FMNL2: variants seen among roughly 807,000 people sequenced by gnomAD.
The protein encoded by FMNL2 is formin-like protein 2.
A neutral mutation model predicts 130.2 loss-of-function variants in FMNL2; 51 were observed. That is an observed-to-expected ratio of 0.39 (90% CI 0.31 to 0.49). The LOEUF is 0.49. FMNL2 is among the 20% of genes least tolerant of loss of function. The pLI is 0.85. For missense variants in FMNL2, 977 were observed against 1,316.2 expected, an observed-to-expected ratio of 0.74 and a Z score of 3.99; for synonymous variants, 465 against 467.1, an observed-to-expected ratio of 1.00 and a Z score of 0.06.
At chr2:152,581,844 G>T (rs1696803995) in intron 9 of FMNL2, among the ~76,000 whole-genome samples, 1 of 152,210 alleles carries the variant, frequency 6.6e-6, no homozygotes, top group Non-Finnish European at 1.5e-5. Context: ...TCGCCAAGTT[G>T]TGTGTTATGC....
At chr2:152,382,815 G>A (rs1684554052) in intron 1 of FMNL2, among the ~76,000 whole-genome samples, 2 of 152,212 alleles carry the variant, frequency 1.3e-5, no homozygotes, top group South Asian at 4.2e-4. Context: ...AAAAATAGAA[G>A]TGTGTCCATA....
intron 25 of FMNL2, 143 bp from the exon 26 acceptor site, chr2:152,647,653 T>G (rs1037716491): frequency 1.4e-6 from 1 of 738,434 alleles, no homozygotes. Context: ...ATGTCTTTGA[T>G]TCAATGCTCA....
intron 4 of FMNL2, among the ~76,000 whole-genome samples, chr2:152,558,304 T>G (rs893721914): frequency 7.2e-5 from 11 of 152,264 alleles, no homozygotes; most frequent in African/African-American, 2.4e-4. Flanking sequence ...GCCAAGGACT[T>G]GAACTTGGAT....
intron 4 of FMNL2, among the ~76,000 whole-genome samples, chr2:152,556,522 A>T (rs959933909): frequency 1.3e-5 from 2 of 152,222 alleles, no homozygotes; most frequent in Non-Finnish European, 2.9e-5. Flanking sequence ...AAGAGGAGCC[A>T]ATGAGTATTC....
intron 1 of FMNL2, among the ~76,000 whole-genome samples, chr2:152,354,695 T>A (rs2105788809): frequency 6.6e-6 from 1 of 152,296 alleles, no homozygotes; most frequent in East Asian, 1.9e-4. Context: ...TGAGGAAAAT[T>A]GCTCATTTTT....
chr2:152,619,746 A>G, intron 15 of FMNL2, 28 bp downstream of exon 15: 1 of 1,594,652 alleles, frequency 6.3e-7, no homozygotes, highest in Non-Finnish European at 8.5e-7. Context: ...AAACCCAGGT[A>G]CTCATATCAG....
intron 9 of FMNL2, among the ~76,000 whole-genome samples, chr2:152,599,542 C>T (rs1262472148): frequency 6.9e-6 from 1 of 145,530 alleles, no homozygotes; most frequent in Non-Finnish European, 1.5e-5. Flanking sequence ...GTTCTTTATT[C>T]AGTACAGCAA....
chr2:152,418,195 CAT>C (rs1022063678), intron 1 of FMNL2, among the ~76,000 whole-genome samples: 42 of 152,284 alleles, frequency 2.8e-4, no homozygotes, highest in African/African-American at 9.4e-4. Flanking sequence ...AGAATTGAAA[CAT>C]AGAAAAATTA....
intron 1 of FMNL2, among the ~76,000 whole-genome samples, chr2:152,515,634 A>G (rs1692726694): frequency 6.6e-6 from 1 of 152,178 alleles, no homozygotes; most frequent in African/African-American, 2.4e-5. Context: ...GGATGATCAT[A>G]CAGACCTCTA....
intron 1 of FMNL2, among the ~76,000 whole-genome samples, chr2:152,370,528 T>C (rs1683816960): frequency 6.6e-6 from 1 of 152,178 alleles, no homozygotes; most frequent in South Asian, 2.1e-4. Flanking sequence ...ATTGAGTTGA[T>C]TGGAAGTAGA....
intron 1 of FMNL2, among the ~76,000 whole-genome samples, chr2:152,515,040 G>T (rs1692686453): frequency 6.6e-6 from 1 of 152,126 alleles, no homozygotes; most frequent in African/African-American, 2.4e-5. Flanking sequence ...ACTTAGCTGA[G>T]ATGACACTCT....
At chr2:152,482,205 A>G (rs1192783191) in intron 1 of FMNL2, among the ~76,000 whole-genome samples, 1 of 152,242 alleles carries the variant, frequency 6.6e-6, no homozygotes, top group Non-Finnish European at 1.5e-5. Context: ...AAGCCTTAGC[A>G]TGTGTACTTA....
intron 1 of FMNL2, among the ~76,000 whole-genome samples, chr2:152,350,490 C>T (rs1023542233): frequency 1.1e-4 from 17 of 152,170 alleles, no homozygotes; most frequent in African/African-American, 4.1e-4. Flanking sequence ...GTTCTAGACC[C>T]ATGGGACAGA....
At chr2:152,436,993 C>T (rs1052590173) in intron 1 of FMNL2, among the ~76,000 whole-genome samples, 6 of 152,178 alleles carry the variant, frequency 3.9e-5, no homozygotes, top group African/African-American at 1.2e-4. Flanking sequence ...AGTCCAGCAT[C>T]AAGGCACTGG....
chr2:152,474,694 A>AG (rs1207529282), intron 1 of FMNL2, among the ~76,000 whole-genome samples: 9 of 152,066 alleles, frequency 5.9e-5, no homozygotes. Context: ...TAAAAAAAAA[A>AG]CAAAAAACAA....
At chr2:152,567,642 A>G (rs1377041851) in intron 6 of FMNL2, among the ~76,000 whole-genome samples, 1 of 152,208 alleles carries the variant, frequency 6.6e-6, no homozygotes, top group African/African-American at 2.4e-5. Flanking sequence ...GAGGAAACCT[A>G]AAACCCCAAA....
At chr2:152,485,298 C>G (rs1269726375) in intron 1 of FMNL2, among the ~76,000 whole-genome samples, 3 of 152,196 alleles carry the variant, frequency 2.0e-5, no homozygotes, top group Admixed American at 6.5e-5. Flanking sequence ...CAAGACCATC[C>G]TGGCCAACAT....
At chr2:152,371,562 G>C (rs986069653) in intron 1 of FMNL2, among the ~76,000 whole-genome samples, 4 of 151,584 alleles carry the variant, frequency 2.6e-5, no homozygotes, top group African/African-American at 7.3e-5. Context: ...CCAGCTACTT[G>C]GGAAGCTGAG....
Position 152,581,018 on chromosome 2 carries a change from T to C in FMNL2, c.845T>C (p.Ile282Thr). ...TGTCTTGTCAGAGGCGGGCATGAAA[T>C]CATTTTATCAGCATTTGATAACTTT... ...AVCLVRGGHE[I>T]ILSAFDNFKE... Residue 282 changes from isoleucine to threonine, a missense_variant, in exon 9 of 26, where the codon ATC (isoleucine) becomes ACC (threonine). By Grantham distance (89) the Ile-to-Thr change is moderately conservative. This residue lies in a region of FMNL2 where 689 missense variants were observed against 995.9 expected (regional missense o/e 0.69). Coordinates refer to ENST00000288670, the MANE Select transcript of FMNL2 (RefSeq NM_052905.4). 1 of 1,613,906 alleles carries C rather than the reference T, an allele frequency of 6.2e-7. No homozygotes were observed. Among genetic ancestry groups the C allele is most frequent in the Non-Finnish European group, 8.5e-7 (1 of 1,179,850 alleles).
Sources: allele counts gnomAD v4.1 joint callset (sites outside exome capture counted in the v4.1 genomes callset), GRCh38; gene constraint gnomAD v4.1.1; regional missense constraint gnomAD v4.1.1; transcripts MANE v1.5; gene names NCBI Gene and HGNC (gene_info 2026-07-23, HGNC 2026-07-21).